PLOD2: variants seen among roughly 807,000 people sequenced by gnomAD.
The protein encoded by PLOD2 is lysine hydroxylase 2.
In PLOD2, 65 loss-of-function variants were observed where a neutral mutation model predicts 101.0. The ratio of observed to expected loss-of-function variants is 0.64; its 90% CI spans 0.53 to 0.79. PLOD2 has a LOEUF of 0.79. PLOD2 is among the 30% of genes least tolerant of loss of function. The probability of loss-of-function intolerance (pLI) is 0.00; values close to 1 mark genes in which losing one functional copy is unlikely to be tolerated. For synonymous variants in PLOD2, 314 were observed against 302.9 expected (o/e 1.04, Z -0.38); for missense variants, 909 against 914.6 (o/e 0.99, Z 0.08).
chr3:146,132,324 C>G (rs1256130524), intron 1 of PLOD2, among the ~76,000 whole-genome samples: 2 of 151,978 alleles, frequency 1.3e-5, no homozygotes. Flanking sequence ...GCAAGTATCG[C>G]CAGTTATTTA....
At chr3:146,095,884 TCTCCC>T (rs1937134604) in intron 7 of PLOD2, among the ~76,000 whole-genome samples, 1 of 58,266 alleles carries the variant, frequency 1.7e-5, no homozygotes, top group Non-Finnish European at 3.6e-5. Flanking sequence ...CCCTCTCCCC[TCTCCC>T]CTCTCCCCCC....
At chr3:146,121,855 T>G (rs2030176505) in intron 2 of PLOD2, among the ~76,000 whole-genome samples, 1 of 152,206 alleles carries the variant, frequency 6.6e-6, no homozygotes, top group Non-Finnish European at 1.5e-5. Context: ...ACCCTTTCTC[T>G]TCACTATTTG....
intron 1 of PLOD2, among the ~76,000 whole-genome samples, chr3:146,129,569 T>C (rs1414707948): frequency 6.6e-6 from 1 of 151,968 alleles, no homozygotes; most frequent in Non-Finnish European, 1.5e-5. Context: ...TCCATGAGAG[T>C]AAAATGAGTT....
At chr3:146,123,295 T>G in intron 2 of PLOD2, 2 of 1,181,778 alleles carry the variant, frequency 1.7e-6, no homozygotes, top group Non-Finnish European at 2.1e-6. Flanking sequence ...CTCTTATTTG[T>G]AGAAAAGACT....
chr3:146,106,978 C>T (rs1361263366), intron 4 of PLOD2, among the ~76,000 whole-genome samples: 1 of 152,214 alleles, frequency 6.6e-6, no homozygotes, highest in Non-Finnish European at 1.5e-5. Context: ...AAAGAATAGA[C>T]TGAGACAAGA....
In PLOD2 at chr3:146,070,305, T is replaced by C. The variant is rs1269269385; in HGVS notation, c.*412A>G. On this transcript the variant is annotated 3_prime_UTR_variant, in exon 20 of 20. Coordinates refer to ENST00000282903, the MANE Select transcript of PLOD2 (RefSeq NM_182943.3). ...AGGTTTTACAACATGGTAATTTTCA[T>C]TTATATCCATTTTGTCTACATTTCC... The C allele has an allele frequency of 6.5e-6, 1 of 154,568 alleles. No individual in the cohort carries two copies. Among genetic ancestry groups the C allele is most frequent in the Non-Finnish European group, 1.4e-5 (1 of 69,848 alleles). 9.6% of individuals were successfully genotyped at this position (154,568 alleles called of 1,614,324 possible).
chr3:146,101,040 T>A (rs1002856723), intron 7 of PLOD2, among the ~76,000 whole-genome samples: 1 of 152,032 alleles, frequency 6.6e-6, no homozygotes, highest in Non-Finnish European at 1.5e-5. Flanking sequence ...GAGTGGGAAG[T>A]GCCTAGAGCC....
intron 15 of PLOD2, among the ~76,000 whole-genome samples, chr3:146,075,766 A>C (rs1050640109): frequency 1.3e-5 from 2 of 151,732 alleles, no homozygotes; most frequent in African/African-American, 4.8e-5. Context: ...GTGCTTTTGA[A>C]TACACAAAAC....
At chr3:146,104,169 A>T in intron 6 of PLOD2, 110 bp downstream of exon 6, 1 of 761,662 alleles carries the variant, frequency 1.3e-6, no homozygotes, top group Non-Finnish European at 2.4e-6. Flanking sequence ...TACAATATTT[A>T]CACTGTCGAC....
chr3:146,161,058 CG>C lies in PLOD2; in HGVS notation c.-70del. The C allele has an allele frequency of 8.7e-7, 1 of 1,152,132 alleles. No individual in the cohort carries two copies. Among genetic ancestry groups the C allele is most frequent in the African/African-American group, 1.5e-5 (1 of 64,896 alleles). 71.4% of individuals were successfully genotyped at this position (1,152,132 alleles called of 1,614,324 possible). The stretch of plus-strand genomic sequence containing the variant: ...CGCAGCGCCGCGCTTCTCGCGAGAA[CG>C]CAGAGACCCGGGTCCGCCCTGAGCC... On this transcript the variant is annotated 5_prime_UTR_variant, in exon 1 of 20. Transcript: ENST00000282903.
chr3:146,076,731 T>C (rs1385581940), intron 15 of PLOD2, 51 bp downstream of exon 15: 7 of 902,286 alleles, frequency 7.8e-6, no homozygotes, highest in Non-Finnish European at 1.3e-5. Flanking sequence ...AACTGATTTA[T>C]AACCACTTAC....
intron 1 of PLOD2, among the ~76,000 whole-genome samples, chr3:146,155,054 T>C (rs2032233546): frequency 6.6e-6 from 1 of 152,238 alleles, no homozygotes; most frequent in African/African-American, 2.4e-5. Context: ...AAACTATTTT[T>C]TGAAGAGGTA....
intron 7 of PLOD2, among the ~76,000 whole-genome samples, chr3:146,099,293 A>G (rs965576356): frequency 2.0e-5 from 3 of 152,190 alleles, no homozygotes; most frequent in South Asian, 2.1e-4. Flanking sequence ...AGCTCCAGTC[A>G]GCATCATCCT....
At chr3:146,076,317 GTAACACAT>G (rs1423138804) in intron 15 of PLOD2, 1 of 154,650 alleles carries the variant, frequency 6.5e-6, no homozygotes, top group Admixed American at 6.4e-5. Context: ...TGGTGTGTAT[GTAACACAT>G]TTTCTTTATC....
At chr3:146,145,868 G>A (rs2031750460) in intron 1 of PLOD2, among the ~76,000 whole-genome samples, 1 of 152,112 alleles carries the variant, frequency 6.6e-6, no homozygotes, top group African/African-American at 2.4e-5. Flanking sequence ...ATAGGGTGCT[G>A]TATAAAATAA....
At chr3:146,118,588 G>A (rs988166042) in intron 3 of PLOD2, among the ~76,000 whole-genome samples, 3 of 151,846 alleles carry the variant, frequency 2.0e-5, no homozygotes, top group Admixed American at 2.0e-4. Flanking sequence ...CTTAAAATGA[G>A]CAATCAATAA....
At chr3:146,143,109 T>G (rs1416543999) in intron 1 of PLOD2, among the ~76,000 whole-genome samples, 2 of 152,116 alleles carry the variant, frequency 1.3e-5, no homozygotes, top group Non-Finnish European at 2.9e-5. Flanking sequence ...TTCCTAGAGT[T>G]AAACACTCCG....
chr3:146,098,390 G>T (rs1559847557), intron 7 of PLOD2, among the ~76,000 whole-genome samples: 1 of 151,898 alleles, frequency 6.6e-6, no homozygotes, highest in Non-Finnish European at 1.5e-5. Flanking sequence ...ATTCATATTA[G>T]ATTTATACAG....
chr3:146,122,378 C>G (rs2030223617), intron 2 of PLOD2, among the ~76,000 whole-genome samples: 1 of 152,184 alleles, frequency 6.6e-6, no homozygotes, highest in Admixed American at 6.5e-5. Context: ...AATCCTAATG[C>G]AACATTGGAC....
Sources: gnomAD v4.1 joint callset for allele counts (sites outside exome capture counted in the v4.1 genomes callset) on GRCh38, gnomAD v4.1.1 for gene constraint, MANE v1.5 for transcripts, NCBI Gene and HGNC (gene_info 2026-07-23, HGNC 2026-07-21) for gene names.